EIF4EBP1: variants seen among roughly 807,000 people sequenced by gnomAD.
The protein encoded by EIF4EBP1 is eukaryotic translation initiation factor 4E binding protein 1.
In EIF4EBP1, 5 loss-of-function variants were observed where a neutral mutation model predicts 9.2. The observed-to-expected ratio is 0.54, with a 90% CI of 0.28 to 1.14. The LOEUF (loss-of-function observed/expected upper bound fraction) is 1.14. EIF4EBP1 is among the 50% of genes most tolerant of loss of function. EIF4EBP1 has a pLI of 0.09. For synonymous variants in EIF4EBP1, 62 were observed against 67.0 expected (o/e 0.93, Z 0.36); for missense variants, 139 against 169.6 (o/e 0.82, Z 1.00).
At chr8:38,040,337 C>T (rs28368989) in intron 1 of EIF4EBP1, among the ~76,000 whole-genome samples, 110,181 of 152,134 alleles carry the variant, frequency 0.72, 40,422 homozygotes, top group Middle Eastern at 0.87. Context: ...GCAAAGGGCT[C>T]CATGTAATCT....
chr8:38,050,178 T>G (rs1809500719), intron 1 of EIF4EBP1, among the ~76,000 whole-genome samples: 1 of 152,106 alleles, frequency 6.6e-6, no homozygotes, highest in African/African-American at 2.4e-5. Context: ...TCCCAAAGTG[T>G]TGGGGTTGTA....
chr8:38,059,541 C>A lies in EIF4EBP1; in HGVS notation c.326-363C>A, dbSNP rs1360992213. Among the ~76,000 whole-genome samples, 4 of 152,034 alleles carry A rather than the reference C, an allele frequency of 2.6e-5. No individual in the cohort carries two copies. The South Asian group carries it at 8.3e-4, about 32-fold the overall frequency. On this transcript the variant is annotated intron_variant, in intron 2 of 2. Coordinates refer to ENST00000338825, the MANE Select transcript of EIF4EBP1 (RefSeq NM_004095.4). Reference sequence around the variant, plus strand: ...CTGAGGAGGGTGGATCATCTGAGATCAGGAGTTCGAGACCAGCCTGGCCAA... The same window carrying A: ...CTGAGGAGGGTGGATCATCTGAGATAAGGAGTTCGAGACCAGCCTGGCCAA...
intron 1 of EIF4EBP1, among the ~76,000 whole-genome samples, chr8:38,039,802 C>A (rs1303762967): frequency 6.6e-6 from 1 of 152,208 alleles, no homozygotes; most frequent in Non-Finnish European, 1.5e-5. Flanking sequence ...AACAGTATTG[C>A]TGGTATTTCT....
chr8:38,032,188 T>G (rs1279773911), intron 1 of EIF4EBP1, among the ~76,000 whole-genome samples: 6 of 152,134 alleles, frequency 3.9e-5, no homozygotes, highest in Non-Finnish European at 8.8e-5. Context: ...GCTGGATTGT[T>G]GGGTCAAATT....
intron 1 of EIF4EBP1, among the ~76,000 whole-genome samples, chr8:38,045,276 TC>T (rs1282961820): frequency 6.6e-6 from 1 of 152,182 alleles, no homozygotes; most frequent in African/African-American, 2.4e-5. Flanking sequence ...AACATCTGCC[TC>T]CAAGCACTAT....
chr8:38,043,548 C>T (rs1219375317), intron 1 of EIF4EBP1, among the ~76,000 whole-genome samples: 2 of 151,750 alleles, frequency 1.3e-5, no homozygotes, highest in African/African-American at 4.8e-5. Context: ...AGTTTCAACA[C>T]GTTGGCATGC....
At chr8:38,036,669 C>T (rs1024051492) in intron 1 of EIF4EBP1, among the ~76,000 whole-genome samples, 8 of 145,628 alleles carry the variant, frequency 5.5e-5, no homozygotes, top group African/African-American at 2.1e-4. Context: ...ATTGTTTCTT[C>T]TTTTTTTTTT....
chr8:38,041,341 G>A (rs750029083), intron 1 of EIF4EBP1, among the ~76,000 whole-genome samples: 1 of 152,162 alleles, frequency 6.6e-6, no homozygotes, highest in Non-Finnish European at 1.5e-5. Context: ...AACCTCAGGC[G>A]ATCTGCCTGC....
chr8:38,053,456 G>A (rs916054961), intron 1 of EIF4EBP1, among the ~76,000 whole-genome samples: 1 of 151,314 alleles, frequency 6.6e-6, no homozygotes, highest in Non-Finnish European at 1.5e-5. Context: ...AGGTTCAAGC[G>A]ATTCTCCTGC....
At position 38,030,538 on chromosome 8, in the gene EIF4EBP1, C is replaced by G. The variant is rs1165824588; in HGVS notation, c.-36C>G. The G allele has an allele frequency of 5.4e-6, 8 of 1,484,726 alleles. No individual in the cohort carries two copies. The highest frequency in any genetic ancestry group is 7.1e-6 in the Non-Finnish European group (8 of 1,123,496). The allele number at this position is 1,484,726 out of a possible 1,614,324, so 92.0% of individuals were successfully genotyped here. On this transcript the variant is annotated 5_prime_UTR_variant, in exon 1 of 3. Transcript: ENST00000338825. Reference sequence around the variant, plus strand: ...GAGCGAGGCTGGAGGCGCGGGAGGGCAGCGAGAGGTTCGCGGGTGCAGCGC... The same window carrying G: ...GAGCGAGGCTGGAGGCGCGGGAGGGGAGCGAGAGGTTCGCGGGTGCAGCGC...
chr8:38,054,726 T>TA (rs1033836361), intron 1 of EIF4EBP1, among the ~76,000 whole-genome samples: 4 of 151,642 alleles, frequency 2.6e-5, no homozygotes, highest in Non-Finnish European at 5.9e-5. Flanking sequence ...GGTCACTTTT[T>TA]AAAAAAAAGA....
intron 1 of EIF4EBP1, among the ~76,000 whole-genome samples, chr8:38,056,539 G>A (rs1248026147): frequency 6.6e-6 from 1 of 152,194 alleles, no homozygotes; most frequent in Non-Finnish European, 1.5e-5. Flanking sequence ...GAAGACACAG[G>A]TGCAGTTGGT....
chr8:38,054,287 C>T (rs1241782035), intron 1 of EIF4EBP1, among the ~76,000 whole-genome samples: 1 of 152,050 alleles, frequency 6.6e-6, no homozygotes, highest in African/African-American at 2.4e-5. Flanking sequence ...CTGTCTCTAC[C>T]AAAAAATACA....
At chr8:38,052,118 A>G (rs1563235366) in intron 1 of EIF4EBP1, among the ~76,000 whole-genome samples, 1 of 152,190 alleles carries the variant, frequency 6.6e-6, no homozygotes, top group Non-Finnish European at 1.5e-5. Flanking sequence ...GGTTTCTGTC[A>G]GACCACACCT....
intron 2 of EIF4EBP1, among the ~76,000 whole-genome samples, chr8:38,057,950 A>G (rs1809620344): frequency 6.6e-6 from 1 of 152,096 alleles, no homozygotes; most frequent in Admixed American, 6.5e-5. Context: ...CAGCATAAGC[A>G]CTTCCGGGCA....
chr8:38,052,158 C>G (rs1436754453), intron 1 of EIF4EBP1, among the ~76,000 whole-genome samples: 1 of 152,214 alleles, frequency 6.6e-6, no homozygotes, highest in African/African-American at 2.4e-5. Context: ...ACCTTGGCAT[C>G]CATCCCACCC....
At chr8:38,041,536 C>T (rs1282125754) in intron 1 of EIF4EBP1, among the ~76,000 whole-genome samples, 1 of 152,258 alleles carries the variant, frequency 6.6e-6, no homozygotes, top group East Asian at 1.9e-4. Context: ...AACGTGCTGC[C>T]TGTCCTGATG....
At chr8:38,058,865 C>CT (rs1312897514) in intron 2 of EIF4EBP1, among the ~76,000 whole-genome samples, 9 of 152,106 alleles carry the variant, frequency 5.9e-5, no homozygotes, top group Non-Finnish European at 8.8e-5. Context: ...AGGATGAATA[C>CT]TTGAGGCCAG....
rs201004052 is a variant in EIF4EBP1, at chr8:38,059,948, C to A, written c.*13C>A. ...GATGGACATTTAAAGCACCAGCCAT[C>A]GTGTGGAGCACTACCAAGGGGCCCC... is the stretch of plus-strand genomic sequence containing the variant. On this transcript the variant is annotated 3_prime_UTR_variant, in exon 3 of 3. Coordinates refer to ENST00000338825, the MANE Select transcript of EIF4EBP1 (RefSeq NM_004095.4). 6.2e-7 allele frequency: 1 copy of A among 1,614,050 alleles called. No homozygotes were observed. The highest frequency in any genetic ancestry group is 8.5e-7 in the Non-Finnish European group (1 of 1,179,902).
Sources: gnomAD v4.1 joint callset for allele counts (sites outside exome capture counted in the v4.1 genomes callset) on GRCh38, gnomAD v4.1.1 for gene constraint, MANE v1.5 for transcripts, NCBI Gene and HGNC (gene_info 2026-07-23, HGNC 2026-07-21) for gene names.